Variants in TBC1D26 observed in about 807,000 individuals in gnomAD.
TBC1D26 encodes the protein TBC1 domain family member 26.
Under a neutral mutation model 42.5 loss-of-function variants are expected in TBC1D26, and 19 were observed. The observed-to-expected ratio is 0.45, with a 90% CI of 0.31 to 0.66. The LOEUF (loss-of-function observed/expected upper bound fraction) is 0.66, where lower values mean the gene tolerates loss of function less well. TBC1D26 is among the 30% of genes least tolerant of loss of function. The pLI, the probability that TBC1D26 is intolerant of heterozygous loss-of-function variation, is 0.06. For synonymous variants in TBC1D26, 97 were observed against 123.5 expected (o/e 0.79, Z 1.42); for missense variants, 228 against 332.6 (o/e 0.69, Z 2.45).
chr17:15,741,239 T>C lies in TBC1D26; in HGVS notation c.646+18T>C, dbSNP rs140832768. On this transcript the variant is annotated intron_variant, in intron 10 of 14. Coordinates refer to ENST00000437605, the MANE Select transcript of TBC1D26 (RefSeq NM_001388465.1). ...GCTCGCTGGTGAGAGGCACTCCCTG[T>C]GGGTAGGTGGACAGCTGCCCCCGGG... The C allele has an allele frequency of 1.2e-3, 1,885 of 1,613,218 alleles. 17 individuals are homozygous for C. In the African/African-American group the frequency reaches 0.022, roughly 19 times the overall value.
intron 2 of TBC1D26, 33 bp downstream of exon 2, chr17:15,735,103 T>C (rs994116747): frequency 1.7e-5 from 10 of 579,974 alleles, no homozygotes; most frequent in African/African-American, 1.5e-4. Flanking sequence ...TCAGGGACAA[T>C]AGGCCTCTCT....
In TBC1D26 at chr17:15,735,051, C is replaced by T. The variant is rs190114097; in HGVS notation, c.-21C>T. The T allele has an allele frequency of 2.6e-5, 12 of 470,084 alleles. No homozygotes were observed. Among genetic ancestry groups the T allele is most frequent in the Admixed American group, 7.3e-5 (2 of 27,238 alleles). 29.1% of individuals were successfully genotyped at this position (470,084 alleles called of 1,614,324 possible). A position where few individuals can be genotyped will look rare whatever the true frequency, so the allele number is the denominator to read the frequency against. Reference sequence around the variant, plus strand: ...GACTTCACCCTCAGCAAGTGGACGCCGTTTGTCCTGCCAGGGCAGGTGTGT... The same window carrying T: ...GACTTCACCCTCAGCAAGTGGACGCTGTTTGTCCTGCCAGGGCAGGTGTGT... On this transcript the variant is annotated 5_prime_UTR_variant, in exon 2 of 15. Transcript: ENST00000437605.
chr17:15,739,818 G>A lies in TBC1D26; in HGVS notation c.498-282G>A, dbSNP rs377641357. ...CGTGGAACTGCACGTCCCAAAGACT[G>A]GACTTCTGTGTGTGCAAACTGAGAA... On this transcript the variant is annotated intron_variant, in intron 8 of 14. Coordinates refer to ENST00000437605, the MANE Select transcript of TBC1D26 (RefSeq NM_001388465.1). Among the ~76,000 whole-genome samples the A allele has an allele frequency of 8.5e-5, 13 of 152,270 alleles. No individual in the cohort carries two copies. In the East Asian group the frequency reaches 1.5e-3, roughly 18 times the overall value.
chr17:15,738,982 T>G (rs1967700289), intron 8 of TBC1D26, 152 bp downstream of exon 8: 4 of 1,167,978 alleles, frequency 3.4e-6, no homozygotes, highest in Non-Finnish European at 4.9e-6. Flanking sequence ...CACCATGGAC[T>G]GAGCATCTCC....
At chr17:15,735,766 A>G in intron 4 of TBC1D26, 87 bp downstream of exon 4, 1 of 540,060 alleles carries the variant, frequency 1.9e-6, no homozygotes, top group East Asian at 3.2e-5. Flanking sequence ...GAAGCAGGAC[A>G]TGTCTCCCTG....
chr17:15,734,578 C>T (rs1483923887), intron 1 of TBC1D26: 2 of 152,692 alleles, frequency 1.3e-5, no homozygotes, highest in African/African-American at 2.4e-5. Flanking sequence ...GTCCCATTCT[C>T]TCTGTCTGGT....
chr17:15,734,144 CG>C (rs1274594170), intron 1 of TBC1D26: 6 of 151,936 alleles, frequency 3.9e-5, no homozygotes, highest in African/African-American at 1.5e-4. Flanking sequence ...AGATGTGACC[CG>C]GGCCGTGCAC....
At chr17:15,742,328 T>C in intron 11 of TBC1D26, 86 bp from the exon 12 acceptor site, 1 of 452,392 alleles carries the variant, frequency 2.2e-6, no homozygotes. Flanking sequence ...GGTTGTGCCA[T>C]TAAGGAAGGT....
chr17:15,743,271 A>G, intron 13 of TBC1D26, 96 bp from the exon 14 acceptor site: 1 of 620,858 alleles, frequency 1.6e-6, no homozygotes, highest in Non-Finnish European at 2.0e-6. Flanking sequence ...AAAGGACCAG[A>G]CACCACCCAG....
At chr17:15,736,733 C>G (rs1216178543) in intron 4 of TBC1D26, among the ~76,000 whole-genome samples, 1 of 152,276 alleles carries the variant, frequency 6.6e-6, no homozygotes, top group African/African-American at 2.4e-5. Context: ...CCTGCAGGGC[C>G]CTTGGTCATC....
In TBC1D26 at chr17:15,744,759, G is replaced by C. The variant is rs1967872396; in HGVS notation, c.*167G>C. On this transcript the variant is annotated 3_prime_UTR_variant, in exon 15 of 15. Coordinates refer to ENST00000437605, the MANE Select transcript of TBC1D26 (RefSeq NM_001388465.1). ...GGAAAAGGAAGGTGTAAATATGTTG[G>C]TAATAAAATCTCCAACCACAGCATA... The C allele has an allele frequency of 6.6e-6, 1 of 152,162 alleles. No homozygotes were observed. Among genetic ancestry groups the C allele is most frequent in the South Asian group, 2.1e-4 (1 of 4,832 alleles). 9.4% of individuals were successfully genotyped at this position (152,162 alleles called of 1,614,324 possible). A position where few individuals can be genotyped will look rare whatever the true frequency, so the allele number is the denominator to read the frequency against.
chr17:15,741,604 A>T (rs1391711332), intron 10 of TBC1D26: 1 of 468,382 alleles, frequency 2.1e-6, no homozygotes, highest in East Asian at 4.0e-5. Flanking sequence ...AACAAAGCCA[A>T]GATGGAAGTG....
chr17:15,741,266 C>T (rs1411278312), intron 10 of TBC1D26, 45 bp downstream of exon 10: 4 of 1,611,194 alleles, frequency 2.5e-6, no homozygotes, highest in Admixed American at 3.3e-5. Flanking sequence ...GCCCCCGGGG[C>T]CTTACACAGC....
chr17:15,741,862 G>C, intron 10 of TBC1D26, 80 bp from the exon 11 acceptor site: 1 of 1,461,812 alleles, frequency 6.8e-7, no homozygotes, highest in African/African-American at 1.4e-5. Context: ...GGGGTCCCCT[G>C]CCCTGCCCAG....
chr17:15,738,503 C>G (rs1465247), intron 7 of TBC1D26, 116 bp downstream of exon 7: 1 of 1,366,904 alleles, frequency 7.3e-7, no homozygotes, highest in African/African-American at 1.4e-5. Context: ...TGTGGTCAGA[C>G]GCACATCCTG....
In TBC1D26 at chr17:15,738,343, C is replaced by T. The variant is rs1967681065; in HGVS notation, c.343C>T (p.Leu115=). 6.2e-7 allele frequency: 1 copy of T among 1,613,676 alleles called. No homozygotes were observed. Among genetic ancestry groups the T allele is most frequent in the Non-Finnish European group, 8.5e-7 (1 of 1,180,016 alleles). Residue 115 remains leucine, a synonymous_variant, in exon 7 of 15, where the codon CTA becomes TTA. Coordinates refer to ENST00000437605, the MANE Select transcript of TBC1D26 (RefSeq NM_001388465.1). The part of the protein sequence containing the change: ...AVRGRAWSLL[L]DIDRIKSQNP... ...ACGGGGCCGGGCGTGGTCACTTTTG[C>T]TAGATATTGACAGAATCAAGTCCCA...
intron 1 of TBC1D26, among the ~76,000 whole-genome samples, chr17:15,734,267 T>C (rs1967552211): frequency 6.6e-6 from 1 of 151,874 alleles, no homozygotes; most frequent in Admixed American, 6.6e-5. Flanking sequence ...GGTCTGGTCC[T>C]GGAAGAGCCA....
At chr17:15,737,330 C>T (rs879703916) in intron 4 of TBC1D26, among the ~76,000 whole-genome samples, 154 bp from the exon 5 acceptor site, 10 of 152,214 alleles carry the variant, frequency 6.6e-5, no homozygotes, top group African/African-American at 1.7e-4. Context: ...GTGTCAGATC[C>T]GCAGGGAGGC....
chr17:15,737,989 T>C lies in TBC1D26; in HGVS notation c.199-8T>C, dbSNP rs1216007934. ...GCTCCGCTAACTCCATCATGGCTCA[T>C]TTGACAGCAAAGACGCAAGGAAAGT... On this transcript the variant is annotated splice_polypyrimidine_tract_variant and splice_region_variant and intron_variant, in intron 5 of 14. Transcript: ENST00000437605. The C allele has an allele frequency of 1.9e-6, 3 of 1,613,900 alleles. No individual in the cohort carries two copies. Among genetic ancestry groups the C allele is most frequent in the Non-Finnish European group, 2.5e-6 (3 of 1,179,930 alleles).
Sources: allele counts gnomAD v4.1 joint callset (sites outside exome capture counted in the v4.1 genomes callset), GRCh38; gene constraint gnomAD v4.1.1; transcripts MANE v1.5; gene names NCBI Gene and HGNC (gene_info 2026-07-23, HGNC 2026-07-21).